PTPRR: variants seen among roughly 807,000 people sequenced by gnomAD.
PTPRR encodes protein tyrosine phosphatase receptor type R.
A neutral mutation model predicts 77.2 loss-of-function variants in PTPRR; 38 were observed. The observed-to-expected ratio is 0.49, with a 90% CI of 0.38 to 0.65. The LOEUF (loss-of-function observed/expected upper bound fraction) is 0.65, where lower values mean the gene tolerates loss of function less well. Among genes scored for constraint, PTPRR ranks in the 30% least tolerant of loss-of-function variants. PTPRR has a pLI of 0.00. For synonymous variants in PTPRR, 299 were observed against 283.1 expected (o/e 1.06, Z -0.57); for missense variants, 744 against 799.2 (o/e 0.93, Z 0.83).
At chr12:70,661,216 G>T in intron 11 of PTPRR, 119 bp from the exon 12 acceptor site, 1 of 1,350,402 alleles carries the variant, frequency 7.4e-7, no homozygotes, top group Non-Finnish European at 1.0e-6. Context: ...TTCTAGGTGG[G>T]AAAAAAATTT....
chr12:70,646,955 A>G (rs1180970450), intron 13 of PTPRR, among the ~76,000 whole-genome samples: 3 of 152,048 alleles, frequency 2.0e-5, no homozygotes, highest in Non-Finnish European at 2.9e-5. Context: ...AAAAAAAAAA[A>G]GAAAAGAAAA....
intron 2 of PTPRR, among the ~76,000 whole-genome samples, chr12:70,855,012 C>T (rs927118044): frequency 6.6e-6 from 1 of 152,140 alleles, no homozygotes; most frequent in Non-Finnish European, 1.5e-5. Context: ...ATAGGGTCCA[C>T]AGCAATTTGA....
chr12:70,877,672 C>T (rs1312014828), intron 2 of PTPRR, among the ~76,000 whole-genome samples: 2 of 152,092 alleles, frequency 1.3e-5, no homozygotes, highest in Non-Finnish European at 2.9e-5. Flanking sequence ...GGCCATACTG[C>T]CCAAGGTAAT....
chr12:70,658,640 A>G (rs529678018), intron 12 of PTPRR, among the ~76,000 whole-genome samples: 2 of 152,212 alleles, frequency 1.3e-5, no homozygotes, highest in East Asian at 3.9e-4. Flanking sequence ...AGAGAAAGTT[A>G]TTTTAGTGGA....
chr12:70,776,511 A>C (rs893746205), intron 2 of PTPRR, among the ~76,000 whole-genome samples: 1 of 152,108 alleles, frequency 6.6e-6, no homozygotes, highest in Non-Finnish European at 1.5e-5. Flanking sequence ...CTAATGAATG[A>C]TCTTAACTCC....
At chr12:70,883,329 C>T (rs936681099) in intron 2 of PTPRR, among the ~76,000 whole-genome samples, 1 of 152,040 alleles carries the variant, frequency 6.6e-6, no homozygotes, top group African/African-American at 2.4e-5. Flanking sequence ...GGGGAAACAG[C>T]AAGGATTTGA....
intron 3 of PTPRR, among the ~76,000 whole-genome samples, chr12:70,762,158 T>C (rs1351771035): frequency 1.3e-5 from 2 of 152,184 alleles, no homozygotes; most frequent in Non-Finnish European, 2.9e-5. Flanking sequence ...ATGTCACACA[T>C]TTAAAATTGG....
chr12:70,656,910 C>T, intron 12 of PTPRR, 93 bp from the exon 13 acceptor site: 2 of 768,798 alleles, frequency 2.6e-6, no homozygotes, highest in Non-Finnish European at 4.2e-6. Context: ...TCTGAAACCA[C>T]AGTTAAAAGT....
intron 2 of PTPRR, among the ~76,000 whole-genome samples, chr12:70,787,982 A>G (rs1891356842): frequency 6.6e-6 from 1 of 152,220 alleles, no homozygotes; most frequent in South Asian, 2.1e-4. Context: ...TCTTATTTTT[A>G]ATCTTTGTTG....
At chr12:70,814,515 AG>A (rs1310229515) in intron 2 of PTPRR, among the ~76,000 whole-genome samples, 11 of 152,168 alleles carry the variant, frequency 7.2e-5, no homozygotes, top group Non-Finnish European at 1.2e-4. Context: ...GTTGTTTGGC[AG>A]TTGCCAACAG....
chr12:70,843,769 G>A (rs1454615922), intron 2 of PTPRR, among the ~76,000 whole-genome samples: 1 of 150,876 alleles, frequency 6.6e-6, no homozygotes, highest in Admixed American at 6.6e-5. Context: ...AAATTAAGTT[G>A]AGAGCTTTGA....
chr12:70,691,167 G>A (rs1888042584), intron 8 of PTPRR, among the ~76,000 whole-genome samples: 2 of 152,100 alleles, frequency 1.3e-5, no homozygotes, highest in Non-Finnish European at 1.5e-5. Context: ...TGTACACTGT[G>A]ATCTATCCTA....
intron 2 of PTPRR, among the ~76,000 whole-genome samples, chr12:70,835,816 T>G (rs1452231179): frequency 6.6e-6 from 1 of 152,134 alleles, no homozygotes; most frequent in African/African-American, 2.4e-5. Flanking sequence ...AGTGGATTAA[T>G]TGTTGGGGAA....
chr12:70,875,158 G>A (rs1411047344), intron 2 of PTPRR, among the ~76,000 whole-genome samples: 1 of 152,078 alleles, frequency 6.6e-6, no homozygotes, highest in East Asian at 1.9e-4. Context: ...TTAGAATCAT[G>A]AATCATGACC....
At chr12:70,672,096 C>T (rs1455134334) in intron 10 of PTPRR, 3 of 1,379,524 alleles carry the variant, frequency 2.2e-6, no homozygotes, top group Non-Finnish European at 1.0e-6. Flanking sequence ...GCCTTTGACT[C>T]TATGCTCCCC....
At chr12:70,764,272 G>C (rs1311766631) in intron 3 of PTPRR, among the ~76,000 whole-genome samples, 2 of 152,118 alleles carry the variant, frequency 1.3e-5, no homozygotes, top group Admixed American at 6.5e-5. Context: ...TGCCTTACCT[G>C]ATATAGAAGC....
chr12:70,867,255 T>C (rs867512825), intron 2 of PTPRR, among the ~76,000 whole-genome samples: 2,332 of 152,202 alleles, frequency 0.015, 62 homozygotes, highest in African/African-American at 0.053. Flanking sequence ...AAATTGTCCC[T>C]GTTTGTAGAT....
intron 2 of PTPRR, among the ~76,000 whole-genome samples, chr12:70,804,586 T>G (rs1175786313): frequency 5.3e-5 from 8 of 151,890 alleles, no homozygotes; most frequent in Non-Finnish European, 8.8e-5. Flanking sequence ...GCTAATTAAA[T>G]AAGAAGTAAA....
chr12:70,793,150 G>T (rs1891451173), intron 2 of PTPRR, among the ~76,000 whole-genome samples: 2 of 152,068 alleles, frequency 1.3e-5, no homozygotes, highest in Non-Finnish European at 2.9e-5. Context: ...ATTGAAGAGG[G>T]ACAATGATTA....
Sources: gnomAD v4.1 joint callset for allele counts (sites outside exome capture counted in the v4.1 genomes callset) on GRCh38, gnomAD v4.1.1 for gene constraint, MANE v1.5 for transcripts, NCBI Gene and HGNC (gene_info 2026-07-23, HGNC 2026-07-21) for gene names.